Variants in ROBO1 observed in about 807,000 individuals in gnomAD.
The protein encoded by ROBO1 is roundabout guidance receptor 1, also known as roundabout homolog 1.
A neutral mutation model predicts 195.9 loss-of-function variants in ROBO1; 149 were observed. The ratio of observed to expected loss-of-function variants is 0.76; its 90% CI spans 0.67 to 0.87. The LOEUF (loss-of-function observed/expected upper bound fraction) is 0.87, where lower values mean the gene tolerates loss of function less well. Ranked by LOEUF, ROBO1 falls within the 40% of genes least tolerant of loss-of-function variation. The probability of loss-of-function intolerance (pLI) is 0.00; values close to 1 mark genes in which losing one functional copy is unlikely to be tolerated. For missense variants in ROBO1, 1,933 were observed against 2,068.3 expected (o/e 0.93, Z 1.27); for synonymous variants, 816 against 733.2 (o/e 1.11, Z -1.82).
chr3:79,427,177 A>T (rs535707757), intron 2 of ROBO1, among the ~76,000 whole-genome samples: 2 of 152,248 alleles, frequency 1.3e-5, no homozygotes, highest in South Asian at 4.1e-4. Flanking sequence ...GTTTATAGAG[A>T]TCTCTGATTC....
chr3:79,325,406 A>G (rs2109145584), intron 2 of ROBO1, among the ~76,000 whole-genome samples: 1 of 152,360 alleles, frequency 6.6e-6, no homozygotes, highest in South Asian at 2.1e-4. Context: ...GAACCATGTA[A>G]ATGAAATCCT....
intron 2 of ROBO1, among the ~76,000 whole-genome samples, chr3:79,436,369 A>C (rs1419927464): frequency 1.3e-5 from 2 of 151,850 alleles, no homozygotes; most frequent in East Asian, 3.9e-4. Flanking sequence ...TGTTTTGGTG[A>C]ACATGAAAAT....
intron 4 of ROBO1, among the ~76,000 whole-genome samples, chr3:78,841,842 T>G (rs1286379206): frequency 6.6e-6 from 1 of 152,166 alleles, no homozygotes; most frequent in East Asian, 1.9e-4. Context: ...TATTTTAAAA[T>G]TTTAATAAAG....
At chr3:78,748,426 CAAATAAATAAAT>C (rs55873579) in intron 4 of ROBO1, among the ~76,000 whole-genome samples, 64,002 of 146,956 alleles carry the variant, frequency 0.44, 14,281 homozygotes, top group Admixed American at 0.5. Flanking sequence ...GCCTCTGTCT[CAAATAAATAAAT>C]AAATAAATAA....
intron 2 of ROBO1, among the ~76,000 whole-genome samples, chr3:79,454,155 A>T (rs1405201935): frequency 6.7e-6 from 1 of 150,170 alleles, no homozygotes; most frequent in Non-Finnish European, 1.5e-5. Flanking sequence ...TCTCCAAAAC[A>T]TTACGCAGAG....
intron 3 of ROBO1, among the ~76,000 whole-genome samples, chr3:79,076,033 T>G (rs890633033): frequency 1.3e-5 from 2 of 151,384 alleles, no homozygotes; most frequent in Non-Finnish European, 2.9e-5. Context: ...TATGTGGATG[T>G]GAGCAAGTAA....
At chr3:79,077,916 C>T (rs2079201584) in intron 3 of ROBO1, among the ~76,000 whole-genome samples, 2 of 151,792 alleles carry the variant, frequency 1.3e-5, no homozygotes, top group Admixed American at 1.3e-4. Flanking sequence ...TATATTCTTA[C>T]AGTTTAGTGT....
At chr3:78,848,845 G>T (rs1285997338) in intron 4 of ROBO1, among the ~76,000 whole-genome samples, 3 of 152,254 alleles carry the variant, frequency 2.0e-5, no homozygotes, top group South Asian at 2.1e-4. Context: ...AGAAGAAAGA[G>T]GGTGTGGGGG....
chr3:78,650,425 A>G (rs535939810), intron 19 of ROBO1, among the ~76,000 whole-genome samples: 2 of 152,302 alleles, frequency 1.3e-5, no homozygotes, highest in South Asian at 4.1e-4. Context: ...GCAGGCGGCA[A>G]GGAGATTTAT....
At chr3:78,699,636 G>GT (rs1218636448) in intron 8 of ROBO1, among the ~76,000 whole-genome samples, 1 of 151,320 alleles carries the variant, frequency 6.6e-6, no homozygotes, top group Non-Finnish European at 1.5e-5. Flanking sequence ...TTTACGTTTT[G>GT]TTTTTTGCTT....
At chr3:79,275,587 C>T (rs1018294534) in intron 2 of ROBO1, among the ~76,000 whole-genome samples, 1 of 151,894 alleles carries the variant, frequency 6.6e-6, no homozygotes, top group East Asian at 1.9e-4. Context: ...AGGATGCCCA[C>T]TTTCACCACT....
chr3:79,339,754 C>G (rs2109217809), intron 2 of ROBO1, among the ~76,000 whole-genome samples: 2 of 152,318 alleles, frequency 1.3e-5, no homozygotes, highest in South Asian at 4.1e-4. Flanking sequence ...ACTGCCATTT[C>G]TTTGACCAAC....
intron 1 of ROBO1, among the ~76,000 whole-genome samples, chr3:79,651,682 C>G (rs1025453583): frequency 1.3e-5 from 2 of 152,084 alleles, no homozygotes; most frequent in African/African-American, 4.8e-5. Flanking sequence ...GTCTAGAGAG[C>G]CTGAAGCGTT....
intron 2 of ROBO1, among the ~76,000 whole-genome samples, chr3:79,571,890 T>C (rs1560003861): frequency 6.6e-6 from 1 of 152,138 alleles, no homozygotes; most frequent in African/African-American, 2.4e-5. Context: ...TTTAATGTTC[T>C]CTTCTGGCCT....
chr3:79,257,988 G>A (rs891009200), intron 2 of ROBO1, among the ~76,000 whole-genome samples: 1 of 151,996 alleles, frequency 6.6e-6, no homozygotes, highest in African/African-American at 2.4e-5. Flanking sequence ...ATTCCAGTCT[G>A]ATACTAGATG....
chr3:79,146,865 A>T (rs995967436), intron 2 of ROBO1, among the ~76,000 whole-genome samples: 1 of 151,958 alleles, frequency 6.6e-6, no homozygotes, highest in Admixed American at 6.6e-5. Context: ...TCTTGAATGT[A>T]GGGAAAGTTT....
intron 2 of ROBO1, among the ~76,000 whole-genome samples, chr3:79,165,290 T>C (rs1387648307): frequency 6.6e-6 from 1 of 152,208 alleles, no homozygotes; most frequent in African/African-American, 2.4e-5. Flanking sequence ...GTTCTGTACA[T>C]GTAGATATCA....
chr3:79,374,658 C>G (rs897708869), intron 2 of ROBO1, among the ~76,000 whole-genome samples: 2 of 152,140 alleles, frequency 1.3e-5, no homozygotes, highest in Non-Finnish European at 2.9e-5. Context: ...ACATTTGCTA[C>G]AAGCATTGAC....
In ROBO1 at chr3:79,594,055, T is replaced by C. The variant is rs144463777; in HGVS notation, c.-50-4094A>G. Among the ~76,000 whole-genome samples, 1,448 of 152,140 alleles carry C rather than the reference T, an allele frequency of 9.5e-3. 22 individuals are homozygous for C. The highest frequency in any genetic ancestry group is 0.052 in the South Asian group (251 of 4,822). ...TCTTTCACAGAGTAGAAATTTTCAATTTTAATGAAGTTCAAATGATCAATT... is the reference window on the plus strand; with the variant it reads ...TCTTTCACAGAGTAGAAATTTTCAACTTTAATGAAGTTCAAATGATCAATT... On this transcript the variant is annotated intron_variant, in intron 1 of 30. Transcript: ENST00000464233.
Sources: allele counts gnomAD v4.1 joint callset (sites outside exome capture counted in the v4.1 genomes callset), GRCh38; gene constraint gnomAD v4.1.1; transcripts MANE v1.5; gene names NCBI Gene and HGNC (gene_info 2026-07-23, HGNC 2026-07-21).